Variants in CFAP221 observed in about 807,000 individuals in gnomAD.
CFAP221 encodes cilia and flagella associated protein 221.
In CFAP221, 97 loss-of-function variants were observed where a neutral mutation model predicts 113.1. The observed-to-expected ratio is 0.86, with a 90% CI of 0.73 to 1.02. The LOEUF is 1.02. CFAP221 is among the 50% of genes least tolerant of loss of function. The pLI, the probability that CFAP221 is intolerant of heterozygous loss-of-function variation, is 0.00. For synonymous variants in CFAP221, 331 were observed against 354.4 expected, an observed-to-expected ratio of 0.93 and a Z score of 0.74; for missense variants, 1,025 against 1,013.4, an observed-to-expected ratio of 1.01 and a Z score of -0.16.
At chr2:119,659,692 A>G (rs570343577), downstream of CFAP221, among the ~76,000 whole-genome samples, 57 of 41,954 alleles carry the variant, frequency 1.4e-3, no homozygotes, top group African/African-American at 2.9e-3. Flanking sequence ...CTGACCTACT[A>G]GCAGTTTCCG....
At position 119,559,793 on chromosome 2, in the gene CFAP221, A is replaced by G. The variant is rs1385789945; in HGVS notation, c.327+18A>G. 1 of 1,507,708 alleles carries G rather than the reference A, an allele frequency of 6.6e-7. No homozygotes were observed. The highest frequency in any genetic ancestry group is 8.9e-7 in the Non-Finnish European group (1 of 1,121,302). 93.4% of individuals were successfully genotyped at this position (1,507,708 alleles called of 1,614,324 possible). On this transcript the variant is annotated intron_variant, in intron 4 of 23. Transcript: ENST00000413369. The stretch of plus-strand genomic sequence containing the variant: ...TAAGAAAGGTAAGCGTCATTGGTTT[A>G]CCTGTTCTCCCACGGTGTGGTTGTC...
rs188078220 is a variant in CFAP221 at position 119,634,538 on chromosome 2, A to T, written c.1974+3637A>T. ...GCACTCCTATGTTCATTGCAGCACTATTCACAATAGCTAAGATGTGGAAAC... is the reference window on the plus strand; with the variant it reads ...GCACTCCTATGTTCATTGCAGCACTTTTCACAATAGCTAAGATGTGGAAAC... On this transcript the variant is annotated intron_variant, in intron 19 of 23. Transcript: ENST00000413369. Among the ~76,000 whole-genome samples the T allele has an allele frequency of 3.1e-3, 468 of 152,338 alleles. 3 individuals are homozygous for T. The highest frequency in any genetic ancestry group is 4.2e-3 in the Non-Finnish European group (284 of 68,032).
rs1218666891 is a variant in CFAP221, at chr2:119,630,982, G to A, written c.1974+81G>A. On this transcript the variant is annotated intron_variant, in intron 19 of 23. Transcript: ENST00000413369. ...CTCTATAGGAAACAGAGCACTCATTGGGAATATTTTTTCTCTTTGGAATTT... is the reference window on the plus strand; with the variant it reads ...CTCTATAGGAAACAGAGCACTCATTAGGAATATTTTTTCTCTTTGGAATTT... 2.0e-6 allele frequency: 3 copies of A among 1,507,552 alleles called. No individual in the cohort carries two copies. In the Admixed American group the frequency reaches 6.1e-5, roughly 31 times the overall value. The allele number at this position is 1,507,552 out of a possible 1,614,324, so 93.4% of individuals were successfully genotyped here. A position where few individuals can be genotyped will look rare whatever the true frequency, so the allele number is the denominator to read the frequency against.
In CFAP221 at chr2:119,627,706, A is replaced by G. The variant is rs551786992; in HGVS notation, c.1570A>G (p.Ser524Gly). ...LRRISQDDYT[S>G]RFSVSPKEVL... is the part of the protein sequence containing the mutation. ...GCGGATCAGTCAGGATGATTATACC[A>G]GCCGGTTCTCTGTGTCGCCCAAGGA... Residue 524 changes from serine (S) to glycine (G), a missense_variant, in exon 16 of 24, where the codon AGC becomes GGC. Ser to Gly is a moderately conservative substitution (Grantham distance 56). Transcript: ENST00000413369. The G allele has an allele frequency of 9.9e-6, 16 of 1,612,848 alleles. No individual in the cohort carries two copies. The African/African-American group carries it at 1.6e-4, about 16-fold the overall frequency.
At chr2:119,574,169 C>T (rs1489694264) in intron 6 of CFAP221, among the ~76,000 whole-genome samples, 1 of 152,152 alleles carries the variant, frequency 6.6e-6, no homozygotes, top group Non-Finnish European at 1.5e-5. Context: ...GCAAATGGGT[C>T]AATTGGTTTG....
chr2:119,566,294 T>C (rs1478031530), intron 6 of CFAP221, among the ~76,000 whole-genome samples: 1 of 152,228 alleles, frequency 6.6e-6, no homozygotes, highest in Non-Finnish European at 1.5e-5. Flanking sequence ...AGTCGGCTTT[T>C]GCATGTTACC....
At chr2:119,559,549 G>T (rs1681070048) in intron 3 of CFAP221, 140 bp from the exon 4 acceptor site, 2 of 679,412 alleles carry the variant, frequency 2.9e-6, no homozygotes, top group Admixed American at 5.4e-5. Context: ...AATGGTGTAT[G>T]ATGTATTTCA....
In CFAP221 at chr2:119,560,150, G is replaced by T. The variant is rs116167204; in HGVS notation, c.426+124G>T. On this transcript the variant is annotated intron_variant, in intron 5 of 23. Coordinates refer to ENST00000413369, the MANE Select transcript of CFAP221 (RefSeq NM_001271049.2). ...GAGAGCTTTCTTGGCCCAGTACCGG[G>T]TGTTCCCCAGGTCACCAGTGTGACT... is the stretch of plus-strand genomic sequence containing the variant. 3,628 of 752,658 alleles carry T rather than the reference G, an allele frequency of 4.8e-3. 90 individuals are homozygous for T. In the African/African-American group the frequency reaches 0.057, roughly 12 times the overall value. The allele number at this position is 752,658 out of a possible 1,614,324, so 46.6% of individuals were successfully genotyped here.
chr2:119,551,162 A>G (rs1368062024), intron 3 of CFAP221, among the ~76,000 whole-genome samples: 1 of 152,158 alleles, frequency 6.6e-6, no homozygotes, highest in Non-Finnish European at 1.5e-5. Context: ...CAGCTGATGG[A>G]TGTTGGATTG....
downstream of CFAP221, among the ~76,000 whole-genome samples, chr2:119,657,097 A>G (rs1032771414): frequency 3.3e-5 from 5 of 152,190 alleles, no homozygotes; most frequent in African/African-American, 1.2e-4. Context: ...ACCAGGCCTC[A>G]GTATTGTGTT....
At chr2:119,648,267 A>T (rs1380610637) in intron 22 of CFAP221, among the ~76,000 whole-genome samples, 2 of 152,272 alleles carry the variant, frequency 1.3e-5, no homozygotes, top group Non-Finnish European at 2.9e-5. Flanking sequence ...TAGTAACATT[A>T]TGAGAAAATA....
intron 16 of CFAP221, among the ~76,000 whole-genome samples, chr2:119,628,592 A>G (rs1686543341): frequency 6.6e-6 from 1 of 152,226 alleles, no homozygotes; most frequent in South Asian, 2.1e-4. Context: ...TCACATCGTT[A>G]GTAATAAAAA....
At chr2:119,651,175 C>T (rs951850194) in intron 22 of CFAP221, among the ~76,000 whole-genome samples, 1 of 152,214 alleles carries the variant, frequency 6.6e-6, no homozygotes, top group Non-Finnish European at 1.5e-5. Context: ...CACACCATCC[C>T]TCCCTGCTTT....
rs1684933856 is a variant in CFAP221, at chr2:119,608,525, CTA to C, written c.1159_1160del (p.Met387ValfsTer3). The C allele has an allele frequency of 5.0e-6, 8 of 1,611,276 alleles. No individual in the cohort carries two copies. Among genetic ancestry groups the C allele is most frequent in the Non-Finnish European group, 6.8e-6 (8 of 1,178,672 alleles). ...AGGCAGGTGCACCTTGGTAAAGATC[CTA>C]TGTCTTTTAAACTTAAAAAAGAGCT... On this transcript the variant is annotated frameshift_variant, in exon 12 of 24. Coordinates refer to ENST00000413369, the MANE Select transcript of CFAP221 (RefSeq NM_001271049.2). LOFTEE classifies it high-confidence loss of function.
chr2:119,639,275 T>A (rs1290327072), intron 20 of CFAP221, among the ~76,000 whole-genome samples: 1 of 152,146 alleles, frequency 6.6e-6, no homozygotes, highest in East Asian at 1.9e-4. Context: ...CCAAGCTCAT[T>A]AGCTTGGCCC....
At chr2:119,646,761 C>G (rs1269634094) in intron 21 of CFAP221, among the ~76,000 whole-genome samples, 197 bp from the exon 22 acceptor site, 1 of 152,232 alleles carries the variant, frequency 6.6e-6, no homozygotes, top group Admixed American at 6.5e-5. Context: ...TGGCAACATT[C>G]TCCCAGGTTT....
At chr2:119,557,606 A>G (rs957922983) in intron 3 of CFAP221, among the ~76,000 whole-genome samples, 1 of 152,206 alleles carries the variant, frequency 6.6e-6, no homozygotes, top group Non-Finnish European at 1.5e-5. Context: ...TTCTGCTACT[A>G]TAGAAGACTC....
Position 119,614,914 on chromosome 2 carries a change from C to T in CFAP221, c.1312-697C>T, listed in dbSNP as rs569725361. Among the ~76,000 whole-genome samples the T allele has an allele frequency of 2.8e-4, 42 of 152,358 alleles. 2 individuals carry two copies. The South Asian group carries it at 8.1e-3, about 29-fold the overall frequency. Reference sequence around the variant, plus strand: ...TCTGGCCACAAAGTCTTGCCAATGGCGCTTCCATGGGCCATATCAGAGTCC... The same window carrying T: ...TCTGGCCACAAAGTCTTGCCAATGGTGCTTCCATGGGCCATATCAGAGTCC... On this transcript the variant is annotated intron_variant, in intron 13 of 23. Transcript: ENST00000413369.
intron 21 of CFAP221, among the ~76,000 whole-genome samples, chr2:119,641,830 T>C (rs1486151372): frequency 6.6e-6 from 1 of 152,160 alleles, no homozygotes. Flanking sequence ...AACTGACCTA[T>C]GCAGTCAGTA....
Sources: gnomAD v4.1 joint callset for allele counts (sites outside exome capture counted in the v4.1 genomes callset) on GRCh38, gnomAD v4.1.1 for gene constraint, MANE v1.5 for transcripts, NCBI Gene and HGNC (gene_info 2026-07-23, HGNC 2026-07-21) for gene names.